The following ROBO1 variants were observed in gnomAD, a reference collection of about 807,000 sequenced individuals.
ROBO1 encodes the protein roundabout guidance receptor 1.
In ROBO1, 149 loss-of-function variants were observed where a neutral mutation model predicts 195.9. The ratio of observed to expected loss-of-function variants is 0.76; its 90% confidence interval spans 0.67 to 0.87. ROBO1 has a LOEUF of 0.87. Ranked by LOEUF, ROBO1 falls within the 40% of genes least tolerant of loss-of-function variation. ROBO1 has a pLI of 0.00. For missense variants in ROBO1, 1,933 were observed against 2,068.3 expected (o/e 0.93, Z 1.27); for synonymous variants, 816 against 733.2 (o/e 1.11, Z -1.82).
chr3:79,404,115 A>AT (rs1447895148), intron 2 of ROBO1, among the ~76,000 whole-genome samples: 2 of 152,080 alleles, frequency 1.3e-5, no homozygotes, highest in Admixed American at 1.3e-4. Context: ...TTGCTTTTCT[A>AT]TTCATGTGTA....
intron 3 of ROBO1, among the ~76,000 whole-genome samples, chr3:79,026,314 T>G (rs2078202372): frequency 6.6e-6 from 1 of 152,094 alleles, no homozygotes; most frequent in Admixed American, 6.5e-5. Context: ...AAATTTGAAC[T>G]GTGAGGTGCA....
rs1946119547 is a variant in ROBO1, at chr3:79,655,037, A to G, written c.-50-65076T>C. 2.6e-5 allele frequency among the ~76,000 whole-genome samples: 4 copies of G among 152,000 alleles called. No homozygotes were observed. The South Asian group carries it at 8.3e-4, about 31-fold the overall frequency. On this transcript the variant is annotated intron_variant, in intron 1 of 30. Coordinates refer to ENST00000464233, the MANE Select transcript of ROBO1 (RefSeq NM_002941.4). ...AATCTACAGAAGTCACGTTAATAGC[A>G]CACTGCTTTATAAACTGTCACTGCC... is the stretch of plus-strand genomic sequence containing the variant.
intron 2 of ROBO1, among the ~76,000 whole-genome samples, chr3:79,522,107 C>T (rs899076604): frequency 3.3e-5 from 5 of 152,146 alleles, no homozygotes; most frequent in Non-Finnish European, 7.3e-5. Context: ...TTTAGTGTAT[C>T]TGTGGCTGTG....
rs1278840632 is a variant in ROBO1 at position 79,550,157 on chromosome 3, A to AAG, written c.88+39665_88+39666dup. ...AAATTAAAACAAAAAGAAAGGAAGA[A>AAG]AGAAAGAAAGGAAGAAAGAAAGAAA... On this transcript the variant is annotated intron_variant, in intron 2 of 30. Transcript: ENST00000464233. Among the ~76,000 whole-genome samples the AAG allele has an allele frequency of 2.5e-4, 16 of 63,864 alleles. 1 individual carries two copies. Among genetic ancestry groups the AAG allele is most frequent in the African/African-American group, 9.8e-4 (15 of 15,378 alleles). 41.9% of individuals were successfully genotyped at this position (63,864 alleles called of 152,430 possible). A position where few individuals can be genotyped will look rare whatever the true frequency, so the allele number is the denominator to read the frequency against.
intron 2 of ROBO1, among the ~76,000 whole-genome samples, chr3:79,309,542 G>T (rs1333760932): frequency 6.6e-6 from 1 of 152,068 alleles, no homozygotes; most frequent in East Asian, 1.9e-4. Flanking sequence ...GAAGGTTGAG[G>T]CTACAGTAAG....
intron 2 of ROBO1, among the ~76,000 whole-genome samples, chr3:79,395,045 C>T (rs1011085246): frequency 2.6e-5 from 4 of 151,902 alleles, no homozygotes; most frequent in South Asian, 2.1e-4. Flanking sequence ...TGAGACCGGC[C>T]GGGCGCGGTG....
At chr3:78,855,680 G>GATA (rs1275455389) in intron 4 of ROBO1, among the ~76,000 whole-genome samples, 3 of 152,058 alleles carry the variant, frequency 2.0e-5, no homozygotes, top group African/African-American at 7.2e-5. Context: ...TGTTACAGCT[G>GATA]ATAAACTAGC....
At chr3:78,996,350 A>AC (rs1173999100) in intron 3 of ROBO1, among the ~76,000 whole-genome samples, 1 of 150,304 alleles carries the variant, frequency 6.7e-6, no homozygotes, top group South Asian at 2.1e-4. Flanking sequence ...CAAAAAAAAA[A>AC]AACTCCCACT....
At chr3:79,107,127 T>TCACACACACA (rs369021063) in intron 3 of ROBO1, among the ~76,000 whole-genome samples, 2 of 136,388 alleles carry the variant, frequency 1.5e-5, no homozygotes, top group Admixed American at 1.5e-4. Flanking sequence ...TCTCTCTCTC[T>TCACACACACA]CACACACACA....
At chr3:79,375,806 T>C (rs928317879) in intron 2 of ROBO1, among the ~76,000 whole-genome samples, 4 of 152,250 alleles carry the variant, frequency 2.6e-5, no homozygotes, top group South Asian at 2.1e-4. Flanking sequence ...CTGCTTAATA[T>C]ACACGCTACC....
At chr3:79,325,523 G>A (rs557588711) in intron 2 of ROBO1, among the ~76,000 whole-genome samples, 11 of 152,264 alleles carry the variant, frequency 7.2e-5, no homozygotes, top group East Asian at 1.9e-4. Flanking sequence ...GTAATGTGTC[G>A]TGGGAAGTCA....
At chr3:78,828,575 C>G (rs1402400470) in intron 4 of ROBO1, among the ~76,000 whole-genome samples, 1 of 152,128 alleles carries the variant, frequency 6.6e-6, no homozygotes, top group Non-Finnish European at 1.5e-5. Flanking sequence ...AATTTAATTA[C>G]AAAGAAATGA....
At chr3:78,800,214 G>T (rs149166080) in intron 4 of ROBO1, among the ~76,000 whole-genome samples, 1 of 151,840 alleles carries the variant, frequency 6.6e-6, no homozygotes, top group Admixed American at 6.6e-5. Flanking sequence ...GCATATTTGG[G>T]GGATAAAAGT....
chr3:79,064,308 A>G (rs1446832708), intron 3 of ROBO1, among the ~76,000 whole-genome samples: 3 of 151,934 alleles, frequency 2.0e-5, no homozygotes, highest in Non-Finnish European at 1.5e-5. Flanking sequence ...ACATACTTGT[A>G]TACACTGACA....
intron 2 of ROBO1, among the ~76,000 whole-genome samples, chr3:79,401,625 T>G (rs1045022776): frequency 6.6e-6 from 1 of 151,942 alleles, no homozygotes; most frequent in South Asian, 2.1e-4. Context: ...ACATCCAATA[T>G]GTATTCGTAA....
chr3:79,159,217 G>A (rs977856706), intron 2 of ROBO1, among the ~76,000 whole-genome samples: 1 of 151,898 alleles, frequency 6.6e-6, no homozygotes, highest in Admixed American at 6.6e-5. Context: ...CTCTTGAATA[G>A]GGAAAATGTT....
intron 4 of ROBO1, among the ~76,000 whole-genome samples, chr3:78,854,353 T>C (rs1032270999): frequency 4.0e-5 from 6 of 148,438 alleles, no homozygotes; most frequent in Non-Finnish European, 8.9e-5. Context: ...TATAATATGT[T>C]GTATATAAAA....
At chr3:78,928,550 A>G (rs1460259174) in intron 4 of ROBO1, among the ~76,000 whole-genome samples, 2 of 152,202 alleles carry the variant, frequency 1.3e-5, no homozygotes, top group African/African-American at 2.4e-5. Context: ...GATTTAAGCA[A>G]AAGTGACAAG....
chr3:79,729,818 A>G (rs747526638), intron 1 of ROBO1, among the ~76,000 whole-genome samples: 5 of 152,196 alleles, frequency 3.3e-5, no homozygotes, highest in Non-Finnish European at 7.3e-5. Context: ...CAGAGGCTAA[A>G]TACGCATCAG....
Sources: gnomAD v4.1 joint callset for allele counts (sites outside exome capture counted in the v4.1 genomes callset) on GRCh38, gnomAD v4.1.1 for gene constraint, MANE v1.5 for transcripts, NCBI Gene and HGNC (gene_info 2026-07-23, HGNC 2026-07-21) for gene names.